GMDS: variants seen among roughly 807,000 people sequenced by gnomAD.
GMDS encodes GDP-mannose 4,6 dehydratase.
A neutral mutation model predicts 49.9 loss-of-function variants in GMDS; 20 were observed. The ratio of observed to expected loss-of-function variants is 0.40; its 90% CI spans 0.28 to 0.58. GMDS has a LOEUF of 0.58. GMDS is among the 20% of genes least tolerant of loss of function. The pLI, the probability that GMDS is intolerant of heterozygous loss-of-function variation, is 0.42. For missense variants in GMDS, 362 were observed against 481.4 expected (o/e 0.75, Z 2.32); for synonymous variants, 177 against 178.6 (o/e 0.99, Z 0.07).
chr6:1,937,833 T>C (rs1186656167), intron 6 of GMDS, among the ~76,000 whole-genome samples: 3 of 152,170 alleles, frequency 2.0e-5, no homozygotes, highest in Non-Finnish European at 2.9e-5. Flanking sequence ...GATGTGGACA[T>C]ATCTTTCTGG....
intron 4 of GMDS, among the ~76,000 whole-genome samples, chr6:2,017,905 T>C (rs974070723): frequency 3.9e-5 from 6 of 152,184 alleles, no homozygotes; most frequent in African/African-American, 1.4e-4. Context: ...CAGGTCACCA[T>C]TCTAACACTA....
At chr6:1,739,944 C>T (rs1053672903) in intron 8 of GMDS, among the ~76,000 whole-genome samples, 2 of 152,166 alleles carry the variant, frequency 1.3e-5, no homozygotes, top group African/African-American at 4.8e-5. Context: ...ATGCTTAAGC[C>T]TTTATTAGCA....
chr6:1,636,705 GCCACACAGGCAGCCCTTA>G (rs1763160817), intron 9 of GMDS, among the ~76,000 whole-genome samples: 1 of 152,222 alleles, frequency 6.6e-6, no homozygotes, highest in African/African-American at 2.4e-5. Context: ...GGCACTGGCT[GCCACACAGGCAGCCCTTA>G]CCACGCTACG....
chr6:2,211,082 G>A (rs1780041874), intron 1 of GMDS, among the ~76,000 whole-genome samples: 1 of 152,158 alleles, frequency 6.6e-6, no homozygotes. Context: ...TGTACAGCCT[G>A]CATAACTGTG....
chr6:2,013,868 A>G, intron 4 of GMDS, among the ~76,000 whole-genome samples: 1 of 105,126 alleles, frequency 9.5e-6, no homozygotes, highest in East Asian at 2.8e-4. Flanking sequence ...CAAATCTAGC[A>G]ACAAATAACA....
rs559420653 is a variant in GMDS, at chr6:1,944,642, C to T, written c.644-14412G>A. Among the ~76,000 whole-genome samples, 196 of 141,936 alleles carry T rather than the reference C, an allele frequency of 1.4e-3. 1 individual carries two copies. The highest frequency in any genetic ancestry group is 5.1e-3 in the African/African-American group (189 of 37,246). The allele number at this position is 141,936 out of a possible 152,430, so 93.1% of individuals were successfully genotyped here. Reference sequence around the variant, plus strand: ...CCGAGATCGTGCCACTGCACTCCAGCCTGGGTGACAGAGCGAGACTCCGTC... The same window carrying T: ...CCGAGATCGTGCCACTGCACTCCAGTCTGGGTGACAGAGCGAGACTCCGTC... On this transcript the variant is annotated intron_variant, in intron 6 of 10. Transcript: ENST00000380815.
At chr6:1,816,439 A>T (rs1770675733) in intron 7 of GMDS, among the ~76,000 whole-genome samples, 1 of 152,188 alleles carries the variant, frequency 6.6e-6, no homozygotes, top group Non-Finnish European at 1.5e-5. Flanking sequence ...GTGTTCACTG[A>T]TGACTGTATC....
At chr6:1,873,154 C>G (rs1334707951) in intron 7 of GMDS, among the ~76,000 whole-genome samples, 2 of 152,232 alleles carry the variant, frequency 1.3e-5, no homozygotes, top group African/African-American at 4.8e-5. Context: ...AAAAACTTAT[C>G]TCCCTACAGG....
intron 1 of GMDS, among the ~76,000 whole-genome samples, chr6:2,235,948 C>A (rs1366656209): frequency 6.6e-6 from 1 of 151,988 alleles, no homozygotes; most frequent in Non-Finnish European, 1.5e-5. Context: ...TTCTGCATGT[C>A]TTATGAGCAG....
chr6:1,881,159 G>A (rs1759343068), intron 7 of GMDS, among the ~76,000 whole-genome samples: 1 of 152,088 alleles, frequency 6.6e-6, no homozygotes, highest in Non-Finnish European at 1.5e-5. Context: ...GGGAAGTGGG[G>A]GCACCGATAA....
chr6:2,048,570 T>A (rs190393224), intron 4 of GMDS, among the ~76,000 whole-genome samples: 1 of 152,240 alleles, frequency 6.6e-6, no homozygotes, highest in Admixed American at 6.5e-5. Flanking sequence ...AATTTACATA[T>A]TCACATATGC....
intron 7 of GMDS, among the ~76,000 whole-genome samples, chr6:1,749,827 C>T (rs1767653651): frequency 2.0e-5 from 3 of 152,010 alleles, no homozygotes; most frequent in African/African-American, 7.2e-5. Context: ...GTATCTGTCT[C>T]AAATACTTTT....
chr6:2,003,614 C>A (rs1766972611), intron 4 of GMDS, among the ~76,000 whole-genome samples: 1 of 152,148 alleles, frequency 6.6e-6, no homozygotes, highest in Admixed American at 6.5e-5. Context: ...CAGGACCTAC[C>A]AATTTCCTTA....
chr6:2,198,800 A>G (rs1779384230), intron 1 of GMDS, among the ~76,000 whole-genome samples: 1 of 152,228 alleles, frequency 6.6e-6, no homozygotes, highest in South Asian at 2.1e-4. Flanking sequence ...TAGAAAGGGT[A>G]GCAATTGTGG....
chr6:1,917,724 T>C (rs1225508246), intron 7 of GMDS, among the ~76,000 whole-genome samples: 1 of 152,222 alleles, frequency 6.6e-6, no homozygotes, highest in East Asian at 1.9e-4. Flanking sequence ...GAATGGGGTA[T>C]CTGTATCCTG....
intron 4 of GMDS, among the ~76,000 whole-genome samples, chr6:2,015,160 T>C (rs181293380): frequency 1.3e-5 from 2 of 151,918 alleles, no homozygotes; most frequent in African/African-American, 4.8e-5. Flanking sequence ...TGGCAGAAAA[T>C]CAGCAAGGAC....
intron 7 of GMDS, among the ~76,000 whole-genome samples, chr6:1,885,650 T>C (rs1483078818): frequency 2.0e-5 from 3 of 152,150 alleles, no homozygotes; most frequent in South Asian, 4.1e-4. Flanking sequence ...GAGGGCAGAG[T>C]CCACCTTGTC....
rs557018224 is a variant in GMDS at position 1,970,409 on chromosome 6, T to C, written c.346-9443A>G. 4.4e-4 allele frequency among the ~76,000 whole-genome samples: 67 copies of C among 152,002 alleles called. 1 individual carries two copies. The Middle Eastern group carries it at 0.01, about 23-fold the overall frequency. The stretch of plus-strand genomic sequence containing the variant: ...TAGCAGCTGGGGCCAGATGCAGATC[T>C]TTCCCCCGCCCCCGCCCCGCTCCAG... On this transcript the variant is annotated intron_variant, in intron 4 of 10. Coordinates refer to ENST00000380815, the MANE Select transcript of GMDS (RefSeq NM_001500.4).
chr6:2,174,656 C>T (rs1225887320), intron 1 of GMDS, among the ~76,000 whole-genome samples: 1 of 152,074 alleles, frequency 6.6e-6, no homozygotes, highest in Non-Finnish European at 1.5e-5. Flanking sequence ...CAACCTCCAC[C>T]TCCTGGGTTC....
Sources: allele counts gnomAD v4.1 joint callset (sites outside exome capture counted in the v4.1 genomes callset), GRCh38; gene constraint gnomAD v4.1.1; transcripts MANE v1.5; gene names NCBI Gene and HGNC (gene_info 2026-07-23, HGNC 2026-07-21).